Variants in CHRNB4 observed in about 807,000 individuals in gnomAD.
CHRNB4 encodes the protein neuronal acetylcholine receptor subunit beta-4.
In CHRNB4, 23 loss-of-function variants were observed where a neutral mutation model predicts 40.4. The ratio of observed to expected loss-of-function variants is 0.57; its 90% CI spans 0.41 to 0.81. The LOEUF is 0.81. Among genes scored for constraint, CHRNB4 ranks in the 30% least tolerant of loss-of-function variants. The pLI, the probability that CHRNB4 is intolerant of heterozygous loss-of-function variation, is 0.00. For synonymous variants in CHRNB4, 285 were observed against 274.4 expected (o/e 1.04, Z -0.38); for missense variants, 568 against 670.6 (o/e 0.85, Z 1.69).
Position 78,655,378 on chromosome 15 carries a change from G to A in CHRNB4, c.-110+166C>T, listed in dbSNP as rs1390854211. Among the ~76,000 whole-genome samples the A allele has an allele frequency of 2.1e-5, 3 of 141,732 alleles. No individual in the cohort carries two copies. In the East Asian group the frequency reaches 5.9e-4, roughly 28 times the overall value. The allele number at this position is 141,732 out of a possible 152,430, so 93.0% of individuals were successfully genotyped here. A position where few individuals can be genotyped will look rare whatever the true frequency, so the allele number is the denominator to read the frequency against. On this transcript the variant is annotated intron_variant and NMD_transcript_variant, in intron 5 of 11. Coordinates refer to the CHRNB4 transcript ENST00000559849. ...CTACAGCTGCACACCACCACACCTG[G>A]CTAATTTTGTGTATATATACGTTAC...
At chr15:78,651,508 G>A (rs2054171624) in intron 6 of CHRNB4, among the ~76,000 whole-genome samples, 1 of 152,190 alleles carries the variant, frequency 6.6e-6, no homozygotes, top group African/African-American at 2.4e-5. Flanking sequence ...GACCTCTCCA[G>A]GGCCTTGCCC....
At chr15:78,641,387 C>G, upstream of CHRNB4, 1 of 449,268 alleles carries the variant, frequency 2.2e-6, no homozygotes, top group East Asian at 3.9e-5. Flanking sequence ...CTTCGGGCCT[C>G]GCAACCTTCC....
chr15:78,641,224 G>A, upstream of CHRNB4: 1 of 1,210,846 alleles, frequency 8.3e-7, no homozygotes, highest in Non-Finnish European at 1.1e-6. Context: ...CGCCGGTCCT[G>A]GCCCCCGAGG....
chr15:78,638,458 A>C (rs982213195), intron 1 of CHRNB4, among the ~76,000 whole-genome samples: 2 of 152,248 alleles, frequency 1.3e-5, no homozygotes, highest in Non-Finnish European at 2.9e-5. Context: ...AACCAGGTAT[A>C]GGAGCCTCTT....
At chr15:78,661,193 G>A (rs1164180485), upstream of CHRNB4, 3 of 612,360 alleles carry the variant, frequency 4.9e-6, no homozygotes, top group Non-Finnish European at 9.5e-6. Context: ...GAACCAAAGA[G>A]CGGAATGGTG....
intron 2 of CHRNB4, 81 bp from the exon 3 acceptor site, chr15:78,631,413 G>A (rs2053809111): frequency 9.8e-6 from 14 of 1,427,764 alleles, no homozygotes; most frequent in Non-Finnish European, 1.4e-5. Flanking sequence ...GCAAAAGGCT[G>A]TGAGCTCCAG....
rs573657986 is a variant in CHRNB4, at chr15:78,657,711, G to A, written c.-760-328C>T. ...TGGGACTACAGGCACTCCCCACCAC[G>A]CCCGGCAATTTTTTGTATTTTTAGT... On this transcript the variant is annotated intron_variant and NMD_transcript_variant, in intron 2 of 11. Coordinates refer to the CHRNB4 transcript ENST00000559849. 2.2e-4 allele frequency among the ~76,000 whole-genome samples: 33 copies of A among 152,000 alleles called. 1 individual carries two copies. Among genetic ancestry groups the A allele is most frequent in the African/African-American group, 7.2e-4 (30 of 41,460 alleles).
intron 1 of CHRNB4, among the ~76,000 whole-genome samples, chr15:78,637,103 G>T (rs1035788449): frequency 2.6e-5 from 4 of 152,220 alleles, no homozygotes; most frequent in African/African-American, 9.7e-5. Context: ...CTCATCTGGA[G>T]CTTCGAGGAG....
chr15:78,657,698 C>T (rs925187702), intron 2 of CHRNB4, among the ~76,000 whole-genome samples: 5 of 152,036 alleles, frequency 3.3e-5, no homozygotes, highest in Admixed American at 2.0e-4. Context: ...GGACTACAGG[C>T]ACTCCCCACC....
chr15:78,636,494 C>G (rs1372429429), intron 1 of CHRNB4, among the ~76,000 whole-genome samples: 1 of 152,144 alleles, frequency 6.6e-6, no homozygotes, highest in South Asian at 2.1e-4. Context: ...CTTTCTCAAT[C>G]TGATTTTCTC....
In CHRNB4 at chr15:78,652,334, T is replaced by C. The variant is rs567500494; in HGVS notation, c.-16+244A>G. Among the ~76,000 whole-genome samples, 6 of 152,310 alleles carry C rather than the reference T, an allele frequency of 3.9e-5. No individual in the cohort carries two copies. The East Asian group carries it at 1.2e-3, about 29-fold the overall frequency. ...CTGGCTGCTTTATAGATCAGAGTCA[T>C]AGGTTGCCATGTCTGAGGCACACAG... On this transcript the variant is annotated intron_variant and NMD_transcript_variant, in intron 6 of 11. Transcript: ENST00000559849.
chr15:78,653,871 C>G (rs777956622), intron 5 of CHRNB4, among the ~76,000 whole-genome samples: 9 of 152,190 alleles, frequency 5.9e-5, no homozygotes, highest in Non-Finnish European at 1.3e-4. Flanking sequence ...CTGGTCCCCA[C>G]TGAACCCTCT....
intron 1 of CHRNB4, 75 bp from the exon 2 acceptor site, chr15:78,635,662 A>C: frequency 1.3e-6 from 2 of 1,587,950 alleles, no homozygotes; most frequent in Non-Finnish European, 1.7e-6. Flanking sequence ...CAGCAGGGAG[A>C]GCTGAGAGGG....
chr15:78,649,659 T>C (rs2054155318), intron 6 of CHRNB4, among the ~76,000 whole-genome samples: 1 of 152,224 alleles, frequency 6.6e-6, no homozygotes, highest in African/African-American at 2.4e-5. Context: ...TTTGAATATG[T>C]ACAAATCACA....
intron 1 of CHRNB4, among the ~76,000 whole-genome samples, chr15:78,658,881 C>T (rs2054232988): frequency 6.6e-6 from 1 of 152,178 alleles, no homozygotes; most frequent in Admixed American, 6.5e-5. Flanking sequence ...TGCCTGAAAA[C>T]CTCTGTTATA....
chr15:78,657,968 C>CACT (rs1416128479), intron 2 of CHRNB4, among the ~76,000 whole-genome samples: 3 of 151,194 alleles, frequency 2.0e-5, no homozygotes, highest in Non-Finnish European at 4.4e-5. Flanking sequence ...GAGGGTGGGG[C>CACT]ACTTTTGATT....
At chr15:78,653,608 A>G (rs1209637435) in intron 5 of CHRNB4, among the ~76,000 whole-genome samples, 2 of 151,656 alleles carry the variant, frequency 1.3e-5, no homozygotes, top group African/African-American at 2.4e-5. Context: ...GAATGCAGTT[A>G]GCTGCCTGCC....
chr15:78,661,618 T>G (rs2054254218), upstream of CHRNB4: 2 of 488,184 alleles, frequency 4.1e-6, no homozygotes, highest in Non-Finnish European at 8.1e-6. Flanking sequence ...TGATGGCGCC[T>G]CCTGCTCGGC....
Position 78,629,769 on chromosome 15 carries a change from G to A in CHRNB4, c.536C>T (p.Thr179Met), listed in dbSNP as rs1284171253. ...LKFRSWTYDH[T>M]EIDMVLMTPT... ...CGTCATGAGGACCATGTCTATCTCCGTGTGGTCATAGGTCCAGGAGCGGAA... is the reference window on the plus strand; with the variant it reads ...CGTCATGAGGACCATGTCTATCTCCATGTGGTCATAGGTCCAGGAGCGGAA... Residue 179 changes from threonine (T) to methionine (M), a missense_variant, in exon 5 of 6, where the codon ACG becomes ATG. Thr to Met is a moderately conservative substitution (Grantham distance 81). Transcript: ENST00000261751. The surrounding 1 kb of genome is among the most constrained non-coding windows in gnomAD (Gnocchi z 6.8). The A allele has an allele frequency of 3.1e-6, 5 of 1,613,970 alleles. No individual in the cohort carries two copies. Among genetic ancestry groups the A allele is most frequent in the African/African-American group, 2.7e-5 (2 of 74,902 alleles).
Sources: allele counts gnomAD v4.1 joint callset (sites outside exome capture counted in the v4.1 genomes callset), GRCh38; gene constraint gnomAD v4.1.1; non-coding constraint Gnocchi (gnomAD v3.1); transcripts MANE v1.5; gene names NCBI Gene and HGNC (gene_info 2026-07-23, HGNC 2026-07-21).